The following AHCTF1 variants were observed in gnomAD, a reference collection of about 807,000 sequenced individuals.
The protein encoded by AHCTF1 is protein ELYS.
A neutral mutation model predicts 248.4 loss-of-function variants in AHCTF1; 24 were observed. That is an observed-to-expected ratio of 0.10 (90% confidence interval 0.07 to 0.14). The LOEUF (loss-of-function observed/expected upper bound fraction) is 0.14, where lower values mean the gene tolerates loss of function less well. Among genes scored for constraint, AHCTF1 ranks in the 10% least tolerant of loss-of-function variants. AHCTF1 has a pLI of 1.00. For missense variants in AHCTF1, 2,206 were observed against 2,636.2 expected (o/e 0.84, Z 3.57); for synonymous variants, 786 against 929.8 (o/e 0.85, Z 2.81).
At position 246,867,705 on chromosome 1, in the gene AHCTF1, A is replaced by G. The variant is rs1662085919; in HGVS notation, c.3195T>C (p.Val1065=). Residue 1065 remains valine (V), a synonymous_variant, in exon 25 of 36, where the codon GTT becomes GTC. Transcript: ENST00000648844. ...TATTTATAGGTTCTTTGCTTGCCCA[A>G]ACTTCTCCAATTTTAGATAACACAT... ...INNVLSKIGE[V]WASKEPINST... The G allele has an allele frequency of 1.9e-6, 3 of 1,612,600 alleles. No homozygotes were observed. The highest frequency in any genetic ancestry group is 8.5e-7 in the Non-Finnish European group (1 of 1,179,780).
chr1:246,844,706 A>G (rs1355628280), intron 33 of AHCTF1, among the ~76,000 whole-genome samples: 1 of 152,234 alleles, frequency 6.6e-6, no homozygotes. Flanking sequence ...CCTGGGTAAC[A>G]GAGTGAAAAG....
intron 1 of AHCTF1, 160 bp downstream of exon 1, chr1:246,931,418 A>G: frequency 4.8e-6 from 7 of 1,451,966 alleles, no homozygotes; most frequent in Non-Finnish European, 6.3e-6. Context: ...CGCCCCCTCG[A>G]GCCCCATCCG....
At chr1:246,881,832 C>T (rs1461446506) in intron 21 of AHCTF1, among the ~76,000 whole-genome samples, 3 of 135,108 alleles carry the variant, frequency 2.2e-5, no homozygotes, top group African/African-American at 8.7e-5. Flanking sequence ...AGCAAGGCTC[C>T]GTCTCAAAAA....
chr1:246,869,750 G>C (rs890856264), intron 24 of AHCTF1, among the ~76,000 whole-genome samples: 2 of 152,046 alleles, frequency 1.3e-5, no homozygotes, highest in African/African-American at 4.8e-5. Context: ...ACTGCTCACT[G>C]ATAATGCCCC....
At chr1:246,900,761 C>T (rs1012302035) in intron 8 of AHCTF1, among the ~76,000 whole-genome samples, 1 of 152,160 alleles carries the variant, frequency 6.6e-6, no homozygotes, top group Non-Finnish European at 1.5e-5. Flanking sequence ...GCAGAAAGTA[C>T]AAAATGATTT....
intron 32 of AHCTF1, chr1:246,851,975 G>T (rs1271373820): frequency 6.5e-6 from 1 of 153,120 alleles, no homozygotes; most frequent in South Asian, 2.1e-4. Context: ...AATTCCTAAG[G>T]CTTTCAAGTT....
intron 1 of AHCTF1, among the ~76,000 whole-genome samples, chr1:246,930,307 C>G (rs1443029306): frequency 6.6e-6 from 1 of 151,966 alleles, no homozygotes; most frequent in Non-Finnish European, 1.5e-5. Flanking sequence ...CCACCAATTC[C>G]CGGTTGACAT....
intron 4 of AHCTF1, among the ~76,000 whole-genome samples, chr1:246,911,405 C>T (rs1665787590): frequency 1.3e-5 from 2 of 150,298 alleles, no homozygotes; most frequent in South Asian, 4.2e-4. Context: ...TTAAACTTCA[C>T]ATAAAAATTT....
rs1361094890 is a variant in AHCTF1, at chr1:246,911,115, T to C, written c.556+2117A>G. 3.9e-5 allele frequency among the ~76,000 whole-genome samples: 6 copies of C among 152,222 alleles called. No homozygotes were observed. In the South Asian group the frequency reaches 6.2e-4, roughly 16 times the overall value. On this transcript the variant is annotated intron_variant, in intron 4 of 35. Transcript: ENST00000648844. ...AATTGAGAAATGGTTCTGATCACAATCCAGAGACTTTCGTTATAAAATTAT... is the reference window on the plus strand; with the variant it reads ...AATTGAGAAATGGTTCTGATCACAACCCAGAGACTTTCGTTATAAAATTAT...
At chr1:246,905,855 C>A (rs930412495) in intron 5 of AHCTF1, among the ~76,000 whole-genome samples, 198 bp from the exon 6 acceptor site, 9 of 152,144 alleles carry the variant, frequency 5.9e-5, no homozygotes, top group African/African-American at 2.2e-4. Context: ...TGGCACCCAT[C>A]CCCCAGAGAC....
intron 31 of AHCTF1, among the ~76,000 whole-genome samples, chr1:246,854,882 A>G (rs7530860): frequency 0.66 from 100,221 of 152,058 alleles, 35,203 homozygotes; most frequent in African/African-American, 0.91. Context: ...ACATATCGGG[A>G]GAAATGGGCA....
At chr1:246,912,669 A>T (rs1164241589) in intron 4 of AHCTF1, among the ~76,000 whole-genome samples, 2 of 152,240 alleles carry the variant, frequency 1.3e-5, no homozygotes, top group African/African-American at 2.4e-5. Context: ...AATTTTATAA[A>T]TACAAGCATT....
At chr1:246,930,309 G>C (rs1052285255) in intron 1 of AHCTF1, among the ~76,000 whole-genome samples, 47 of 151,500 alleles carry the variant, frequency 3.1e-4, no homozygotes, top group African/African-American at 1.0e-3. Flanking sequence ...ACCAATTCCC[G>C]GTTGACATGA....
At chr1:246,884,411 G>T (rs1390305729) in intron 21 of AHCTF1, among the ~76,000 whole-genome samples, 3 of 152,260 alleles carry the variant, frequency 2.0e-5, no homozygotes, top group African/African-American at 7.2e-5. Context: ...CCAAGAAAAT[G>T]TAACTTTCAG....
chr1:246,871,694 C>A (rs527741879), intron 24 of AHCTF1, among the ~76,000 whole-genome samples: 1 of 152,224 alleles, frequency 6.6e-6, no homozygotes, highest in Non-Finnish European at 1.5e-5. Context: ...TCTCTGTAAT[C>A]CATGCCTACA....
At chr1:246,859,259 G>T (rs754853038) in intron 29 of AHCTF1, among the ~76,000 whole-genome samples, 1 of 152,212 alleles carries the variant, frequency 6.6e-6, no homozygotes, top group African/African-American at 2.4e-5. Context: ...CAGCTTTAGA[G>T]TTAGGAGTTA....
At chr1:246,924,923 G>A (rs935832348) in intron 1 of AHCTF1, among the ~76,000 whole-genome samples, 1 of 152,112 alleles carries the variant, frequency 6.6e-6, no homozygotes, top group Admixed American at 6.5e-5. Context: ...ACCCTCATGA[G>A]GGTCCTATAC....
At chr1:246,858,028 T>C (rs887837809) in intron 29 of AHCTF1, among the ~76,000 whole-genome samples, 2 of 151,402 alleles carry the variant, frequency 1.3e-5, no homozygotes, top group Non-Finnish European at 2.9e-5. Flanking sequence ...GGCGCTATCT[T>C]GGCTCACTGC....
intron 1 of AHCTF1, among the ~76,000 whole-genome samples, chr1:246,919,936 C>G (rs956525228): frequency 4.6e-5 from 7 of 151,488 alleles, no homozygotes; most frequent in Admixed American, 6.6e-5. Flanking sequence ...CTCAAGAGAT[C>G]GAGACCATCC....
Sources: allele counts gnomAD v4.1 joint callset (sites outside exome capture counted in the v4.1 genomes callset), GRCh38; gene constraint gnomAD v4.1.1; transcripts MANE v1.5; gene names NCBI Gene and HGNC (gene_info 2026-07-23, HGNC 2026-07-21).